The following MYO7B variants were observed in gnomAD, a reference collection of about 807,000 sequenced individuals.
MYO7B encodes myosin VIIB, also known as unconventional myosin-VIIb.
MYO7B carries 212 observed loss-of-function variants against 259.7 expected under a neutral mutation model. The observed-to-expected ratio is 0.82, with a 90% CI of 0.73 to 0.91. The LOEUF (loss-of-function observed/expected upper bound fraction) is 0.91. Among genes scored for constraint, MYO7B ranks in the 40% least tolerant of loss-of-function variants. The pLI is 0.00. For synonymous variants in MYO7B, 1,197 were observed against 1,166.4 expected, an observed-to-expected ratio of 1.03 and a Z score of -0.54; for missense variants, 2,732 against 2,813.5, an observed-to-expected ratio of 0.97 and a Z score of 0.66.
chr2:127,568,474 G>T (rs1393217330), intron 5 of MYO7B, among the ~76,000 whole-genome samples: 1 of 152,210 alleles, frequency 6.6e-6, no homozygotes, highest in Non-Finnish European at 1.5e-5. Context: ...TGATGAGCTC[G>T]TGTTTATAAA....
At chr2:127,637,047 T>C in intron 47 of MYO7B, 134 bp downstream of exon 47, 1 of 1,442,960 alleles carries the variant, frequency 6.9e-7, no homozygotes, top group Non-Finnish European at 9.4e-7. Context: ...CCAGCAGATC[T>C]GGAGAGGGCC....
chr2:127,547,601 C>T (rs1020105703), intron 1 of MYO7B, among the ~76,000 whole-genome samples: 1 of 152,122 alleles, frequency 6.6e-6, no homozygotes, highest in African/African-American at 2.4e-5. Context: ...ACATTCTTAG[C>T]TGTGGGAGGC....
chr2:127,592,863 A>T lies in MYO7B; in HGVS notation c.2062A>T (p.Lys688Ter). The T allele has an allele frequency of 6.2e-7, 1 of 1,610,442 alleles. No individual in the cohort carries two copies. Among genetic ancestry groups the T allele is most frequent in the South Asian group, 1.1e-5 (1 of 90,374 alleles). Residue 688 changes from lysine to a stop codon, truncating the protein, a stop_gained, in exon 17 of 48, where the codon AAG (lysine) becomes TAG (stop). Transcript: ENST00000409816. LOFTEE classifies it high-confidence loss of function. Reference protein sequence around the residue: ...SGMMETVHIRKSGFPIRYTFE... With the variant: ...SGMMETVHIR Reference sequence around the variant, plus strand: ...CATGATGGAGACCGTGCACATCCGCAAGTCGGGCTTCCCCATCCGCTACAC... The same window carrying T: ...CATGATGGAGACCGTGCACATCCGCTAGTCGGGCTTCCCCATCCGCTACAC...
intron 19 of MYO7B, 137 bp downstream of exon 19, chr2:127,596,693 A>G: frequency 1.4e-6 from 1 of 697,512 alleles, no homozygotes; most frequent in Non-Finnish European, 2.5e-6. Flanking sequence ...AATGCCTTCC[A>G]ACCAGGGACA....
chr2:127,567,093 G>A (rs557549403), intron 5 of MYO7B, among the ~76,000 whole-genome samples: 4 of 152,266 alleles, frequency 2.6e-5, no homozygotes, highest in African/African-American at 7.2e-5. Context: ...AGGAAGTTGG[G>A]CTGGGTTCCT....
chr2:127,564,134 T>A lies in MYO7B; in HGVS notation c.19-19T>A. On this transcript the variant is annotated intron_variant, in intron 2 of 47. Transcript: ENST00000409816. Reference sequence around the variant, plus strand: ...AGAGAGAGCGGGGATCACACCACTGTCTTCTGTCTGCCCTCCAGGGTGACC... The same window carrying A: ...AGAGAGAGCGGGGATCACACCACTGACTTCTGTCTGCCCTCCAGGGTGACC... The A allele has an allele frequency of 6.7e-7, 1 of 1,501,330 alleles. No individual in the cohort carries two copies. Among genetic ancestry groups the A allele is most frequent in the Non-Finnish European group, 9.1e-7 (1 of 1,102,008 alleles). 93.0% of individuals were successfully genotyped at this position (1,501,330 alleles called of 1,614,324 possible).
chr2:127,596,024 G>A (rs914243750), intron 18 of MYO7B, among the ~76,000 whole-genome samples: 1 of 152,092 alleles, frequency 6.6e-6, no homozygotes, highest in Admixed American at 6.6e-5. Flanking sequence ...TTAATTTTCT[G>A]TCTCGATGAT....
Position 127,580,729 on chromosome 2 carries a change from C to A in MYO7B, c.1004-17C>A. 1 of 1,608,118 alleles carries A rather than the reference C, an allele frequency of 6.2e-7. No homozygotes were observed. Among genetic ancestry groups the A allele is most frequent in the Non-Finnish European group, 8.5e-7 (1 of 1,177,322 alleles). Reference sequence around the variant, plus strand: ...CCAGGCTGCTTTCCAACTCAGCATTCCTGCTTCTCTCTCTAGCTTCGGTCT... The same window carrying A: ...CCAGGCTGCTTTCCAACTCAGCATTACTGCTTCTCTCTCTAGCTTCGGTCT... On this transcript the variant is annotated splice_polypyrimidine_tract_variant and intron_variant, in intron 9 of 47. Transcript: ENST00000409816.
chr2:127,581,909 C>T lies in MYO7B; in HGVS notation c.1099C>T (p.Arg367Trp), dbSNP rs758163776. 4.6e-5 allele frequency: 75 copies of T among 1,613,694 alleles called. No homozygotes were observed. The highest frequency in any genetic ancestry group is 1.6e-4 in the Middle Eastern group (1 of 6,082). Reference sequence around the variant, plus strand: ...TCCCCAGGTGCAGCACCAGGAGCTCCGGGACTGTCTGATCAAGCACACCAT... The same window carrying T: ...TCCCCAGGTGCAGCACCAGGAGCTCTGGGACTGTCTGATCAAGCACACCAT... ...KLLEVQHQEL[R>W]DCLIKHTILI... is the part of the protein sequence containing the mutation. Residue 367 changes from arginine (R) to tryptophan (W), a missense_variant, in exon 11 of 48, where the codon CGG becomes TGG. Transcript: ENST00000409816.
At chr2:127,538,783 T>G (rs1692892474) in intron 1 of MYO7B, among the ~76,000 whole-genome samples, 1 of 152,122 alleles carries the variant, frequency 6.6e-6, no homozygotes, top group Non-Finnish European at 1.5e-5. Flanking sequence ...CAGGCTGGTC[T>G]TGAAATCCTG....
chr2:127,582,319 C>T lies in MYO7B; in HGVS notation c.1216C>T (p.Leu406Phe). Reference sequence around the variant, plus strand: ...GTCTCTCCAGGGCATCTATGGGCACCTCTTCCTGTGGATTGTCAAGAAGAT... The same window carrying T: ...GTCTCTCCAGGGCATCTATGGGCACTTCTTCCTGTGGATTGTCAAGAAGAT... ...DAFVKGIYGH[L>F]FLWIVKKINA... The change falls in exon 12 of 48, where the codon CTC becomes TTC. Residue 406 changes from leucine to phenylalanine, a missense_variant. By Grantham distance (22) the Leu-to-Phe change is conservative (BLOSUM62 0). Transcript: ENST00000409816. The T allele has an allele frequency of 6.2e-7, 1 of 1,613,218 alleles. No homozygotes were observed. The highest frequency in any genetic ancestry group is 8.5e-7 in the Non-Finnish European group (1 of 1,179,656).
At chr2:127,588,766 GAGTGGATGGAT>G (rs1679407353) in intron 15 of MYO7B, among the ~76,000 whole-genome samples, 1 of 140,102 alleles carries the variant, frequency 7.1e-6, no homozygotes, top group South Asian at 2.6e-4. Context: ...GTGGATGGGT[GAGTGGATGGAT>G]GGGTGGTGGG....
At chr2:127,543,946 C>T (rs1693113807) in intron 1 of MYO7B, among the ~76,000 whole-genome samples, 1 of 152,120 alleles carries the variant, frequency 6.6e-6, no homozygotes, top group Non-Finnish European at 1.5e-5. Flanking sequence ...AGGGTTTCAC[C>T]GTGTTAGCCA....
chr2:127,573,357 T>C (rs974820336), intron 6 of MYO7B, among the ~76,000 whole-genome samples: 1 of 152,190 alleles, frequency 6.6e-6, no homozygotes, highest in Non-Finnish European at 1.5e-5. Context: ...AAAATATCTT[T>C]CTTACTGTGG....
chr2:127,553,089 G>A (rs146279132), intron 1 of MYO7B, among the ~76,000 whole-genome samples: 22 of 152,306 alleles, frequency 1.4e-4, no homozygotes, highest in South Asian at 6.2e-4. Context: ...CATCAAAGCC[G>A]TTGTCAAAGT....
intron 1 of MYO7B, among the ~76,000 whole-genome samples, chr2:127,557,232 C>T (rs1677865320): frequency 6.6e-6 from 1 of 151,916 alleles, no homozygotes; most frequent in South Asian, 2.1e-4. Context: ...TAAGTGTGTC[C>T]CTTGTTTCCT....
chr2:127,623,310 A>G lies in MYO7B; in HGVS notation c.3754A>G (p.Ile1252Val). Reference protein sequence around the residue: ...ASTSREMCMHIAHKQGLSDHL... With the variant: ...ASTSREMCMHVAHKQGLSDHL... ...CACATCTCGGGAAATGTGCATGCAC[A>G]TCGCTCACAAGCAGGGCCTCAGCGA... Residue 1252 changes from isoleucine to valine, a missense_variant, in exon 29 of 48, where the codon ATC becomes GTC. Around this residue, in one of 3 missense-constraint regions of MYO7B, gnomAD observed 1,906 missense variants for 2,026.4 expected, o/e 0.94. Coordinates refer to ENST00000409816, the MANE Select transcript of MYO7B (RefSeq NM_001393586.1). 9 of 1,612,790 alleles carry G rather than the reference A, an allele frequency of 5.6e-6. No homozygotes were observed. Among genetic ancestry groups the G allele is most frequent in the Non-Finnish European group, 7.6e-6 (9 of 1,179,432 alleles).
chr2:127,629,602 GC>G lies in MYO7B; in HGVS notation c.4625-39del. 7.0e-6 allele frequency: 11 copies of G among 1,574,624 alleles called. No individual in the cohort carries two copies. The South Asian group carries it at 1.2e-4, about 17-fold the overall frequency. On this transcript the variant is annotated intron_variant, in intron 34 of 47. Coordinates refer to ENST00000409816, the MANE Select transcript of MYO7B (RefSeq NM_001393586.1). ...CCACAAAATTCCAGCACAGCCTCTG[GC>G]CCCTGCAGAGCCCTCAGCAAATAGC...
At chr2:127,637,067 C>A (rs1290148079) in intron 47 of MYO7B, 154 bp downstream of exon 47, 3 of 1,329,486 alleles carry the variant, frequency 2.3e-6, no homozygotes, top group Non-Finnish European at 3.1e-6. Flanking sequence ...CTGGGTGCAT[C>A]CCCAGGACCA....
Sources: allele counts gnomAD v4.1 joint callset (sites outside exome capture counted in the v4.1 genomes callset), GRCh38; gene constraint gnomAD v4.1.1; regional missense constraint gnomAD v4.1.1; transcripts MANE v1.5; gene names NCBI Gene and HGNC (gene_info 2026-07-23, HGNC 2026-07-21).